NDUFS4: variants seen among roughly 807,000 people sequenced by gnomAD.
NDUFS4 encodes the protein NADH:ubiquinone oxidoreductase subunit S4, also known as NADH dehydrogenase [ubiquinone] iron-sulfur protein 4, mitochondrial.
NDUFS4 carries 28 observed loss-of-function variants against 24.3 expected under a neutral mutation model. The ratio of observed to expected loss-of-function variants is 1.15; its 90% CI spans 0.85 to 1.58. The LOEUF is 1.58. NDUFS4 is among the 40% of genes most tolerant of loss of function. The probability of loss-of-function intolerance (pLI) is 0.00; values close to 1 mark genes in which losing one functional copy is unlikely to be tolerated. For synonymous variants in NDUFS4, 93 were observed against 69.7 expected (o/e 1.34, Z -1.67); for missense variants, 223 against 207.9 (o/e 1.07, Z -0.45).
intron 4 of NDUFS4, among the ~76,000 whole-genome samples, chr5:53,661,610 A>T (rs1040249164): frequency 5.9e-5 from 9 of 152,104 alleles, no homozygotes; most frequent in African/African-American, 9.7e-5. Context: ...CATTTTCACG[A>T]TATTGATTCT....
At chr5:53,656,894 AAAG>A (rs1752177041) in intron 3 of NDUFS4, among the ~76,000 whole-genome samples, 1 of 152,216 alleles carries the variant, frequency 6.6e-6, no homozygotes, top group Non-Finnish European at 1.5e-5. Flanking sequence ...CATACCTAAA[AAAG>A]AACTACAAAA....
chr5:53,675,288 G>A (rs1421131440), intron 4 of NDUFS4, among the ~76,000 whole-genome samples: 1 of 148,358 alleles, frequency 6.7e-6, no homozygotes, highest in East Asian at 2.1e-4. Flanking sequence ...TCAGCCTCCC[G>A]AGGAGCTGGG....
chr5:53,604,689 G>A lies in NDUFS4; in HGVS notation c.177+1159G>A, dbSNP rs552595195. 62 of 453,674 alleles carry A rather than the reference G, an allele frequency of 1.4e-4. 1 individual carries two copies. Among genetic ancestry groups the A allele is most frequent in the South Asian group, 8.6e-4 (55 of 64,150 alleles). The allele number at this position is 453,674 out of a possible 1,614,324, so 28.1% of individuals were successfully genotyped here. A position where few individuals can be genotyped will look rare whatever the true frequency, so the allele number is the denominator to read the frequency against. ...CTAAAATCCTAACATGGTCTTTGAC[G>A]TCTTGCCTGATTTAGCTCCTGCCTT... On this transcript the variant is annotated intron_variant, in intron 2 of 4. Transcript: ENST00000296684.
At chr5:53,633,776 G>T (rs1454784402) in intron 2 of NDUFS4, among the ~76,000 whole-genome samples, 2 of 152,168 alleles carry the variant, frequency 1.3e-5, no homozygotes, top group African/African-American at 4.8e-5. Context: ...TGTTGAGTAA[G>T]GCAATTGTAA....
chr5:53,620,281 A>T (rs1293014177), intron 2 of NDUFS4, among the ~76,000 whole-genome samples: 3 of 152,180 alleles, frequency 2.0e-5, no homozygotes, highest in African/African-American at 7.2e-5. Flanking sequence ...TCAGACTCTG[A>T]CACAGGGGGC....
At chr5:53,581,309 A>G (rs952551043) in intron 1 of NDUFS4, among the ~76,000 whole-genome samples, 5 of 152,154 alleles carry the variant, frequency 3.3e-5, no homozygotes, top group East Asian at 1.9e-4. Context: ...AGCTATTGCT[A>G]TCATCCTGCC....
At chr5:53,683,081 C>T (rs367813456) in intron 4 of NDUFS4, 37 bp from the exon 5 acceptor site, 3 of 1,355,886 alleles carry the variant, frequency 2.2e-6, no homozygotes, top group African/African-American at 2.9e-5. Flanking sequence ...CTCTTTAATT[C>T]TGTTTCTGTG....
chr5:53,640,818 T>C (rs1340485510), intron 2 of NDUFS4, among the ~76,000 whole-genome samples: 1 of 152,126 alleles, frequency 6.6e-6, no homozygotes, highest in Non-Finnish European at 1.5e-5. Flanking sequence ...ACTTTGTTGC[T>C]ATAGTGGTTA....
intron 3 of NDUFS4, among the ~76,000 whole-genome samples, chr5:53,649,304 C>T (rs1400939567): frequency 2.0e-5 from 3 of 152,000 alleles, no homozygotes; most frequent in Admixed American, 2.0e-4. Flanking sequence ...AACTCATCAC[C>T]CAAATTAAGT....
At chr5:53,659,893 GC>G (rs574777056) in intron 4 of NDUFS4, among the ~76,000 whole-genome samples, 120 of 152,146 alleles carry the variant, frequency 7.9e-4, no homozygotes, top group Admixed American at 1.8e-3. Flanking sequence ...CCTCATACGT[GC>G]AATGAGAATT....
chr5:53,567,376 T>C (rs1749063390), intron 1 of NDUFS4, among the ~76,000 whole-genome samples: 1 of 152,232 alleles, frequency 6.6e-6, no homozygotes, highest in Admixed American at 6.5e-5. Context: ...CTCTTATCTT[T>C]ACTGTTGCTG....
intron 1 of NDUFS4, among the ~76,000 whole-genome samples, chr5:53,584,278 A>C (rs1431821578): frequency 1.3e-5 from 2 of 152,242 alleles, no homozygotes; most frequent in African/African-American, 4.8e-5. Context: ...ATTTCATAGT[A>C]GATGTTTGGT....
chr5:53,643,888 G>A (rs978348423), intron 2 of NDUFS4, among the ~76,000 whole-genome samples: 1 of 152,026 alleles, frequency 6.6e-6, no homozygotes, highest in Non-Finnish European at 1.5e-5. Context: ...AAACCCACTT[G>A]TTCAAATGCC....
At chr5:53,659,603 C>G (rs1466947673) in intron 4 of NDUFS4, among the ~76,000 whole-genome samples, 3 of 152,170 alleles carry the variant, frequency 2.0e-5, no homozygotes, top group East Asian at 1.9e-4. Context: ...AAATGCACTA[C>G]TAAACATTTG....
At chr5:53,574,384 T>G (rs562121045) in intron 1 of NDUFS4, among the ~76,000 whole-genome samples, 1 of 152,352 alleles carries the variant, frequency 6.6e-6, no homozygotes, top group South Asian at 2.1e-4. Flanking sequence ...TTTTCAAATA[T>G]TGAATCAGCT....
chr5:53,575,084 G>A (rs1212441761), intron 1 of NDUFS4, among the ~76,000 whole-genome samples: 2 of 152,184 alleles, frequency 1.3e-5, no homozygotes, highest in African/African-American at 4.8e-5. Flanking sequence ...GTGTATGAGA[G>A]AAAAGAGAAG....
chr5:53,575,744 G>A (rs947343817), intron 1 of NDUFS4, among the ~76,000 whole-genome samples: 1 of 151,786 alleles, frequency 6.6e-6, no homozygotes, highest in African/African-American at 2.4e-5. Flanking sequence ...GTTTCACCAT[G>A]ATGGCCAGGC....
At chr5:53,659,222 T>C (rs980745776) in intron 4 of NDUFS4, among the ~76,000 whole-genome samples, 4 of 152,104 alleles carry the variant, frequency 2.6e-5, no homozygotes, top group African/African-American at 9.7e-5. Context: ...CCTAACATCA[T>C]TGGGTTATGT....
intron 1 of NDUFS4, among the ~76,000 whole-genome samples, chr5:53,566,207 A>T (rs1312902335): frequency 1.3e-5 from 2 of 152,180 alleles, no homozygotes; most frequent in Admixed American, 1.3e-4. Flanking sequence ...AGGGAGAAAG[A>T]TGGAGCAACT....
Sources: gnomAD v4.1 joint callset for allele counts (sites outside exome capture counted in the v4.1 genomes callset) on GRCh38, gnomAD v4.1.1 for gene constraint, MANE v1.5 for transcripts, NCBI Gene and HGNC (gene_info 2026-07-23, HGNC 2026-07-21) for gene names.